DIS3L2: variants seen among roughly 807,000 people sequenced by gnomAD.
DIS3L2 encodes the protein DIS3-like exonuclease 2.
DIS3L2 carries 34 observed loss-of-function variants against 97.5 expected under a neutral mutation model. The observed-to-expected ratio is 0.35, with a 90% CI of 0.27 to 0.46. The LOEUF (loss-of-function observed/expected upper bound fraction) is 0.46. DIS3L2 is among the 20% of genes least tolerant of loss of function. The pLI is 1.00. For missense variants in DIS3L2, 1,038 were observed against 1,146.0 expected, an observed-to-expected ratio of 0.91 and a Z score of 1.36; for synonymous variants, 435 against 445.2, an observed-to-expected ratio of 0.98 and a Z score of 0.29.
intron 5 of DIS3L2, among the ~76,000 whole-genome samples, chr2:232,080,323 G>A (rs1696350649): frequency 6.6e-6 from 1 of 152,096 alleles, no homozygotes; most frequent in African/African-American, 2.4e-5. Flanking sequence ...ATGTCATCTG[G>A]GCAATTGAAT....
rs553749926 is a variant in DIS3L2, at chr2:232,219,186, A to G, written c.1204+8781A>G. ...ATTGTTTCTGTTTCTCCTACCAGCA[A>G]GTATTCTTCATGTCTTGGATATAGC... On this transcript the variant is annotated intron_variant, in intron 10 of 20. Coordinates refer to ENST00000325385, the MANE Select transcript of DIS3L2 (RefSeq NM_152383.5). Among the ~76,000 whole-genome samples the G allele has an allele frequency of 9.4e-4, 143 of 152,312 alleles. 1 individual carries two copies. The highest frequency in any genetic ancestry group is 3.0e-3 in the African/African-American group (125 of 41,550).
chr2:232,023,405 T>C (rs764592592), intron 3 of DIS3L2, among the ~76,000 whole-genome samples: 7 of 152,230 alleles, frequency 4.6e-5, no homozygotes, highest in African/African-American at 7.2e-5. Context: ...GTTAATTATG[T>C]ATCTTTGAGT....
intron 12 of DIS3L2, 101 bp from the exon 13 acceptor site, chr2:232,263,106 A>G: frequency 1.6e-6 from 2 of 1,247,168 alleles, no homozygotes; most frequent in South Asian, 1.4e-5. Context: ...GTCAGTGCTC[A>G]ATAAATCTTT....
chr2:232,115,419 TG>T (rs1041096870), intron 6 of DIS3L2, among the ~76,000 whole-genome samples: 1 of 152,214 alleles, frequency 6.6e-6, no homozygotes, highest in Admixed American at 6.5e-5. Context: ...AAGTTAAATT[TG>T]GTATTTACTG....
At chr2:232,263,062 C>T (rs1574979778) in intron 12 of DIS3L2, 145 bp from the exon 13 acceptor site, 1 of 821,076 alleles carries the variant, frequency 1.2e-6, no homozygotes, top group Non-Finnish European at 1.9e-6. Context: ...CATCTGGGTG[C>T]CTAGCCTGAA....
intron 7 of DIS3L2, chr2:232,131,936 C>A (rs1415856187): frequency 1.3e-5 from 1 of 74,972 alleles, no homozygotes; most frequent in Non-Finnish European, 2.3e-5. Context: ...GACTTCATGG[C>A]TTTCAGCAAA....
At chr2:232,315,671 G>A (rs867983796) in intron 14 of DIS3L2, among the ~76,000 whole-genome samples, 2 of 152,182 alleles carry the variant, frequency 1.3e-5, no homozygotes, top group African/African-American at 4.8e-5. Context: ...GCTGCTTCAC[G>A]TATTGAAGAA....
chr2:231,999,137 T>A (rs1693807756), intron 1 of DIS3L2, among the ~76,000 whole-genome samples: 1 of 152,252 alleles, frequency 6.6e-6, no homozygotes, highest in Admixed American at 6.5e-5. Context: ...ATAGATAATT[T>A]GTAAACTAAT....
At chr2:232,069,832 CAGGCACAT>C (rs1695959318) in intron 5 of DIS3L2, among the ~76,000 whole-genome samples, 1 of 152,176 alleles carries the variant, frequency 6.6e-6, no homozygotes, top group Admixed American at 6.5e-5. Context: ...CACATACACA[CAGGCACAT>C]ACACACATCT....
chr2:232,097,195 A>G lies in DIS3L2; in HGVS notation c.601+9474A>G, dbSNP rs114037896. On this transcript the variant is annotated intron_variant, in intron 6 of 20. Coordinates refer to ENST00000325385, the MANE Select transcript of DIS3L2 (RefSeq NM_152383.5). ...GGTTCTGCCTTGGTGGTCTTGGATA[A>G]GATCTGGAAGAATTCTCTGGATTAC... is the stretch of plus-strand genomic sequence containing the variant. 4.0e-3 allele frequency among the ~76,000 whole-genome samples: 611 copies of G among 152,290 alleles called. 5 individuals carry two copies. The highest frequency in any genetic ancestry group is 0.014 in the African/African-American group (573 of 41,564).
At chr2:232,337,426 CGGCCTG>C (rs931038785), downstream of DIS3L2, among the ~76,000 whole-genome samples, 8 of 152,096 alleles carry the variant, frequency 5.3e-5, no homozygotes, top group African/African-American at 1.4e-4. Context: ...ACAGAGGAGC[CGGCCTG>C]GGCCTGGGGG....
chr2:232,014,416 C>T (rs1315722857), intron 1 of DIS3L2, among the ~76,000 whole-genome samples: 1 of 152,174 alleles, frequency 6.6e-6, no homozygotes, highest in Non-Finnish European at 1.5e-5. Context: ...TATCATTTGT[C>T]CGGAGTTGGA....
At position 231,982,141 on chromosome 2, in the gene DIS3L2, T is replaced by G. The variant is rs111298593; in HGVS notation, c.-94+20376T>G. Among the ~76,000 whole-genome samples, 621 of 152,312 alleles carry G rather than the reference T, an allele frequency of 4.1e-3. 5 individuals carry two copies. The highest frequency in any genetic ancestry group is 0.014 in the African/African-American group (571 of 41,548). ...CTATTGCTATATAGTGAGTTATATTTAATAGATAGACTCTTATAGGATATA... is the reference window on the plus strand; with the variant it reads ...CTATTGCTATATAGTGAGTTATATTGAATAGATAGACTCTTATAGGATATA... On this transcript the variant is annotated intron_variant, in intron 1 of 20. Coordinates refer to ENST00000325385, the MANE Select transcript of DIS3L2 (RefSeq NM_152383.5).
rs541322872 is a variant in DIS3L2, at chr2:232,166,689, G to A, written c.1124+3057G>A. ...CAAGATCGCACCACTGCAATCCAGC[G>A]TGGCGACAGAACGAGACTCCATCAA... On this transcript the variant is annotated intron_variant, in intron 9 of 20. Coordinates refer to ENST00000325385, the MANE Select transcript of DIS3L2 (RefSeq NM_152383.5). Among the ~76,000 whole-genome samples the A allele has an allele frequency of 5.3e-5, 8 of 151,928 alleles. No individual in the cohort carries two copies. The South Asian group carries it at 1.2e-3, about 24-fold the overall frequency.
At chr2:232,049,150 T>A (rs888291522) in intron 5 of DIS3L2, among the ~76,000 whole-genome samples, 7 of 152,194 alleles carry the variant, frequency 4.6e-5, no homozygotes, top group African/African-American at 1.4e-4. Context: ...TTTAAATAAC[T>A]TCCCTATGTT....
intron 10 of DIS3L2, among the ~76,000 whole-genome samples, chr2:232,218,128 G>A (rs566590254): frequency 6.6e-6 from 1 of 152,328 alleles, no homozygotes; most frequent in East Asian, 1.9e-4. Flanking sequence ...AAAGAAGCGG[G>A]TGAAAGGAGG....
In DIS3L2 at chr2:232,281,183, A is replaced by G. The variant is rs1417070120; in HGVS notation, c.1659+17743A>G. Among the ~76,000 whole-genome samples, 1 of 152,180 alleles carries G rather than the reference A, an allele frequency of 6.6e-6. No homozygotes were observed. The highest frequency in any genetic ancestry group is 1.5e-5 in the Non-Finnish European group (1 of 68,020). On this transcript the variant is annotated intron_variant, in intron 13 of 20. Transcript: ENST00000325385. The surrounding 1 kb of genome is among the most constrained non-coding windows in gnomAD (Gnocchi z 4.1). The stretch of plus-strand genomic sequence containing the variant: ...GGGAGGCCGAGGCGGGTGGATCACA[A>G]GGTCAGGAGATCGAGACCATCCTGG...
At chr2:232,040,694 A>T (rs2106252177) in intron 5 of DIS3L2, among the ~76,000 whole-genome samples, 1 of 152,342 alleles carries the variant, frequency 6.6e-6, no homozygotes, top group South Asian at 2.1e-4. Flanking sequence ...TGTACCAGGT[A>T]CTGTGTTTAG....
At chr2:232,064,955 G>C (rs1695812771) in intron 5 of DIS3L2, among the ~76,000 whole-genome samples, 1 of 151,964 alleles carries the variant, frequency 6.6e-6, no homozygotes, top group Admixed American at 6.5e-5. Flanking sequence ...ATTTCTGAAG[G>C]GTACCTTTTG....
Sources: gnomAD v4.1 joint callset for allele counts (sites outside exome capture counted in the v4.1 genomes callset) on GRCh38, gnomAD v4.1.1 for gene constraint, Gnocchi (gnomAD v3.1) non-coding constraint, MANE v1.5 for transcripts, NCBI Gene and HGNC (gene_info 2026-07-23, HGNC 2026-07-21) for gene names.